The following UBE2E2 variants were observed in gnomAD, a reference collection of about 807,000 sequenced individuals.
UBE2E2 encodes ubiquitin conjugating enzyme E2 E2, also known as ubiquitin-conjugating enzyme E2 E2.
Under a neutral mutation model 24.7 loss-of-function variants are expected in UBE2E2, and 6 were observed. The observed-to-expected ratio is 0.24, with a 90% CI of 0.13 to 0.48. The LOEUF is 0.48. UBE2E2 is among the 20% of genes least tolerant of loss of function. The pLI, the probability that UBE2E2 is intolerant of heterozygous loss-of-function variation, is 0.99. For synonymous variants in UBE2E2, 104 were observed against 83.6 expected, an observed-to-expected ratio of 1.24 and a Z score of -1.33; for missense variants, 169 against 245.0, an observed-to-expected ratio of 0.69 and a Z score of 2.07.
intron 3 of UBE2E2, among the ~76,000 whole-genome samples, chr3:23,361,693 A>C (rs563134053): frequency 6.6e-6 from 1 of 152,336 alleles, no homozygotes; most frequent in South Asian, 2.1e-4. Context: ...GAGCAGGGTG[A>C]GGGATGAGTT....
rs181817250 is a variant in UBE2E2, at chr3:23,299,174, T to C, written c.227+81862T>C. On this transcript the variant is annotated intron_variant, in intron 3 of 5. Transcript: ENST00000396703. ...TTTTATTGCATCTATTTGATTCTTC[T>C]CTCTTCTTTATTAGTCTTGCTGGCG... 8.3e-4 allele frequency among the ~76,000 whole-genome samples: 127 copies of C among 152,342 alleles called. 1 individual carries two copies. Among genetic ancestry groups the C allele is most frequent in the African/African-American group, 2.9e-3 (120 of 41,582 alleles).
chr3:23,364,719 C>T (rs1192358791), intron 3 of UBE2E2, among the ~76,000 whole-genome samples: 1 of 152,158 alleles, frequency 6.6e-6, no homozygotes, highest in Non-Finnish European at 1.5e-5. Context: ...ACTATTCCTA[C>T]TGAAACTGCT....
chr3:23,243,603 C>T (rs1234575019), intron 3 of UBE2E2, among the ~76,000 whole-genome samples: 1 of 152,070 alleles, frequency 6.6e-6, no homozygotes, highest in Non-Finnish European at 1.5e-5. Context: ...TTTTGTGGCT[C>T]AGCAAAAAAT....
At chr3:23,537,475 A>C (rs1021611116) in intron 5 of UBE2E2, among the ~76,000 whole-genome samples, 7 of 152,286 alleles carry the variant, frequency 4.6e-5, no homozygotes, top group African/African-American at 1.7e-4. Flanking sequence ...AATGGCCACT[A>C]ATTAACCCTC....
chr3:23,259,248 C>G (rs910999085), intron 3 of UBE2E2, among the ~76,000 whole-genome samples: 7 of 152,108 alleles, frequency 4.6e-5, no homozygotes, highest in African/African-American at 1.7e-4. Context: ...TGTGCACATG[C>G]ATGCATACAT....
Position 23,407,128 on chromosome 3 carries a change from C to A in UBE2E2, c.228-92480C>A, listed in dbSNP as rs1697373755. Among the ~76,000 whole-genome samples the A allele has an allele frequency of 1.3e-5, 2 of 152,080 alleles. No individual in the cohort carries two copies. The highest frequency in any genetic ancestry group is 4.8e-5 in the African/African-American group (2 of 41,392). Reference sequence around the variant, plus strand: ...TGTTGAAGATATTCTCCAAAGATGTCATCAAGAAGGTATAGTCTCCCTTTT... The same window carrying A: ...TGTTGAAGATATTCTCCAAAGATGTAATCAAGAAGGTATAGTCTCCCTTTT... On this transcript the variant is annotated intron_variant, in intron 3 of 5. Coordinates refer to ENST00000396703, the MANE Select transcript of UBE2E2 (RefSeq NM_152653.4). The surrounding 1 kb of genome is among the most constrained non-coding windows in gnomAD (Gnocchi z 4.0).
chr3:23,401,734 C>T (rs549511303), intron 3 of UBE2E2, among the ~76,000 whole-genome samples: 3 of 151,950 alleles, frequency 2.0e-5, no homozygotes, highest in African/African-American at 7.2e-5. Flanking sequence ...AGGCTGTAGT[C>T]CAGTGGCCCT....
At chr3:23,568,606 C>T (rs1453701002) in intron 5 of UBE2E2, among the ~76,000 whole-genome samples, 1 of 8,834 alleles carries the variant, frequency 1.1e-4, no homozygotes, top group Non-Finnish European at 2.2e-4. Context: ...TATATGTATA[C>T]ATATATACAC....
chr3:23,529,783 G>A (rs565551282), intron 4 of UBE2E2, among the ~76,000 whole-genome samples: 20 of 152,150 alleles, frequency 1.3e-4, no homozygotes, highest in African/African-American at 3.9e-4. Context: ...TTAATATCAC[G>A]AGATAGTCTC....
Position 23,280,817 on chromosome 3 carries a change from C to T in UBE2E2, c.227+63505C>T, listed in dbSNP as rs541800745. Among the ~76,000 whole-genome samples the T allele has an allele frequency of 6.6e-6, 1 of 152,302 alleles. No individual in the cohort carries two copies. The highest frequency in any genetic ancestry group is 2.4e-5 in the African/African-American group (1 of 41,572). ...GAATGTTGCCTTCTCTCGTGTTTCA[C>T]ATTCAGAATTTTCTTAGAGAATATC... On this transcript the variant is annotated intron_variant, in intron 3 of 5. Transcript: ENST00000396703. The surrounding 1 kb of genome is among the most constrained non-coding windows in gnomAD (Gnocchi z 4.3).
chr3:23,374,667 A>G (rs1182143088), intron 3 of UBE2E2, among the ~76,000 whole-genome samples: 2 of 152,170 alleles, frequency 1.3e-5, no homozygotes, highest in South Asian at 4.1e-4. Context: ...TTATCTTCCT[A>G]CTGAAAACAC....
At chr3:23,399,147 A>G (rs1171393940) in intron 3 of UBE2E2, among the ~76,000 whole-genome samples, 1 of 152,148 alleles carries the variant, frequency 6.6e-6, no homozygotes, top group Non-Finnish European at 1.5e-5. Context: ...TCATAGATAG[A>G]ACATCGTTTC....
chr3:23,306,362 C>G (rs1334625764), intron 3 of UBE2E2, among the ~76,000 whole-genome samples: 1 of 152,170 alleles, frequency 6.6e-6, no homozygotes, highest in African/African-American at 2.4e-5. Flanking sequence ...TATTTAAACT[C>G]TCTAACAGTA....
chr3:23,373,947 A>G (rs1696458020), intron 3 of UBE2E2, among the ~76,000 whole-genome samples: 1 of 152,054 alleles, frequency 6.6e-6, no homozygotes, highest in South Asian at 2.1e-4. Flanking sequence ...GTAAATGCAA[A>G]TGTTTATTAA....
chr3:23,257,531 T>C (rs1294112115), intron 3 of UBE2E2, among the ~76,000 whole-genome samples: 56 of 10,172 alleles, frequency 5.5e-3, no homozygotes, highest in African/African-American at 7.8e-3. Context: ...CCCCCCCCAC[T>C]TTTTTTTTTT....
At chr3:23,374,756 G>T (rs1333750825) in intron 3 of UBE2E2, among the ~76,000 whole-genome samples, 1 of 152,106 alleles carries the variant, frequency 6.6e-6, no homozygotes, top group Non-Finnish European at 1.5e-5. Flanking sequence ...CCTTTAGGGA[G>T]TGCTGAATTA....
chr3:23,471,850 T>C (rs1250888898), intron 3 of UBE2E2, among the ~76,000 whole-genome samples: 4 of 152,084 alleles, frequency 2.6e-5, no homozygotes, highest in African/African-American at 4.8e-5. Context: ...TAAAATCACT[T>C]TGTGAAAACA....
At chr3:23,224,156 GTTTT>G (rs531661466) in intron 3 of UBE2E2, among the ~76,000 whole-genome samples, 7 of 93,718 alleles carry the variant, frequency 7.5e-5, no homozygotes, top group Admixed American at 1.4e-4. Context: ...TAAATTTTAG[GTTTT>G]TTTTTTTTTT....
chr3:23,344,515 T>G (rs532006870), intron 3 of UBE2E2, among the ~76,000 whole-genome samples: 1 of 152,058 alleles, frequency 6.6e-6, no homozygotes, highest in Non-Finnish European at 1.5e-5. Flanking sequence ...TTTTCCACTT[T>G]CCAGTCTCTC....
Sources: allele counts gnomAD v4.1 joint callset (sites outside exome capture counted in the v4.1 genomes callset), GRCh38; gene constraint gnomAD v4.1.1; non-coding constraint Gnocchi (gnomAD v3.1); transcripts MANE v1.5; gene names NCBI Gene and HGNC (gene_info 2026-07-23, HGNC 2026-07-21).